The following SDK1 variants were observed in gnomAD, a reference collection of about 807,000 sequenced individuals.
SDK1 encodes sidekick cell adhesion molecule 1.
SDK1 carries 157 observed loss-of-function variants against 245.5 expected under a neutral mutation model. The observed-to-expected ratio is 0.64, with a 90% CI of 0.56 to 0.73. The LOEUF (loss-of-function observed/expected upper bound fraction) is 0.73, where lower values mean the gene tolerates loss of function less well. SDK1 is among the 30% of genes least tolerant of loss of function. The pLI, the probability that SDK1 is intolerant of heterozygous loss-of-function variation, is 0.00. For synonymous variants in SDK1, 1,647 were observed against 1,278.5 expected (o/e 1.29, Z -6.15); for missense variants, 3,583 against 3,002.3 (o/e 1.19, Z -4.52).
intron 22 of SDK1, among the ~76,000 whole-genome samples, chr7:4,082,486 G>A (rs1781119719): frequency 6.8e-6 from 1 of 147,134 alleles, no homozygotes; most frequent in Non-Finnish European, 1.5e-5. Context: ...AGTGAGCTGA[G>A]ATCATGCCAC....
intron 4 of SDK1, among the ~76,000 whole-genome samples, chr7:3,746,175 A>C (rs764933788): frequency 6.6e-6 from 1 of 152,246 alleles, no homozygotes; most frequent in East Asian, 1.9e-4. Context: ...AGTGCATATA[A>C]AAGTTATGTT....
At chr7:4,256,024 A>G (rs1350417648) in intron 44 of SDK1, among the ~76,000 whole-genome samples, 7 of 149,712 alleles carry the variant, frequency 4.7e-5, no homozygotes, top group African/African-American at 1.2e-4. Flanking sequence ...AGTTCAAACA[A>G]TTCTCCCACC....
chr7:3,609,289 T>A (rs1781517070), intron 1 of SDK1, among the ~76,000 whole-genome samples: 1 of 152,104 alleles, frequency 6.6e-6, no homozygotes, highest in South Asian at 2.1e-4. Flanking sequence ...TGAGAACTGC[T>A]GCTCTTGAAG....
chr7:4,007,458 T>A (rs1378064923), intron 14 of SDK1, among the ~76,000 whole-genome samples: 4 of 151,980 alleles, frequency 2.6e-5, no homozygotes. Context: ...AGGACAGAGC[T>A]GGATAGGGAG....
intron 5 of SDK1, among the ~76,000 whole-genome samples, chr7:3,891,326 G>A (rs1468674612): frequency 6.6e-6 from 1 of 152,130 alleles, no homozygotes; most frequent in Non-Finnish European, 1.5e-5. Context: ...CCCTCTGCCA[G>A]GTGCACTCTT....
intron 1 of SDK1, among the ~76,000 whole-genome samples, chr7:3,398,925 A>G (rs1265166331): frequency 6.6e-6 from 1 of 152,042 alleles, no homozygotes; most frequent in Admixed American, 6.6e-5. Context: ...ATTTGCCCTG[A>G]GACCTCAGTT....
At chr7:3,971,432 A>G (rs981594338) in intron 11 of SDK1, 34 bp from the exon 12 acceptor site, 4 of 1,480,140 alleles carry the variant, frequency 2.7e-6, no homozygotes, top group Non-Finnish European at 3.8e-6. Flanking sequence ...CAAACTTGTC[A>G]TTTCGTCTGA....
intron 4 of SDK1, among the ~76,000 whole-genome samples, chr7:3,806,893 A>G (rs1025179587): frequency 2.6e-5 from 4 of 151,978 alleles, no homozygotes; most frequent in Non-Finnish European, 4.4e-5. Flanking sequence ...TAAGAGTGAT[A>G]TTACCTAAAT....
At chr7:3,493,324 A>G (rs1047977551) in intron 1 of SDK1, among the ~76,000 whole-genome samples, 1 of 152,190 alleles carries the variant, frequency 6.6e-6, no homozygotes, top group Non-Finnish European at 1.5e-5. Flanking sequence ...CATTCAGGAC[A>G]TTTCTTCACA....
At chr7:4,237,501 A>T in intron 41 of SDK1, 146 bp from the exon 42 acceptor site, 1 of 871,472 alleles carries the variant, frequency 1.1e-6, no homozygotes, top group Non-Finnish European at 1.8e-6. Context: ...GGAAAAGTCC[A>T]CCCGCCCGGC....
rs113408302 is a variant in SDK1, at chr7:4,211,439, G to C, written c.5539+1277G>C. Among the ~76,000 whole-genome samples, 79 of 152,120 alleles carry C rather than the reference G, an allele frequency of 5.2e-4. 1 individual carries two copies. The highest frequency in any genetic ancestry group is 1.7e-3 in the African/African-American group (71 of 41,484). On this transcript the variant is annotated intron_variant, in intron 38 of 44. Transcript: ENST00000404826. ...CGAGAAGGGGAAGGGTGCGGGGGCA[G>C]GGGAGGAGGGCTCAGATCAGGGGTG...
Position 3,545,064 on chromosome 7 carries a change from G to T in SDK1, c.299-74016G>T, listed in dbSNP as rs571995987. On this transcript the variant is annotated intron_variant, in intron 1 of 44. Transcript: ENST00000404826. ...GAGAGTGTGCTCCTACCAGGACTGG[G>T]AGGAGAGCTGGTGCTATGTGGTGGG... 9.9e-5 allele frequency among the ~76,000 whole-genome samples: 15 copies of T among 152,270 alleles called. No homozygotes were observed. The East Asian group carries it at 2.7e-3, about 27-fold the overall frequency.
chr7:3,836,807 G>A (rs1260208487), intron 5 of SDK1, among the ~76,000 whole-genome samples: 1 of 152,022 alleles, frequency 6.6e-6, no homozygotes, highest in Non-Finnish European at 1.5e-5. Flanking sequence ...AGGAGACTGG[G>A]TGACTTAAAC....
intron 13 of SDK1, among the ~76,000 whole-genome samples, chr7:3,975,858 G>A (rs576829448): frequency 1.1e-4 from 16 of 152,330 alleles, no homozygotes; most frequent in African/African-American, 2.6e-4. Context: ...AGAATCAGCC[G>A]GCGGCAGTGG....
chr7:4,169,081 C>T (rs912614839), intron 32 of SDK1, among the ~76,000 whole-genome samples: 1 of 152,182 alleles, frequency 6.6e-6, no homozygotes, highest in Non-Finnish European at 1.5e-5. Context: ...TGTCAGGGGC[C>T]CAGGAGAGGA....
chr7:4,010,423 C>A (rs1288335079), intron 14 of SDK1, among the ~76,000 whole-genome samples: 4 of 152,222 alleles, frequency 2.6e-5, no homozygotes, highest in Non-Finnish European at 5.9e-5. Flanking sequence ...CTGTGAATTT[C>A]ATTACGCCTC....
At chr7:3,659,661 C>G (rs1184707546) in intron 4 of SDK1, among the ~76,000 whole-genome samples, 1 of 152,104 alleles carries the variant, frequency 6.6e-6, no homozygotes, top group Non-Finnish European at 1.5e-5. Flanking sequence ...GGATTTATAC[C>G]AGGAGAAGGC....
At chr7:3,758,772 G>A (rs958386109) in intron 4 of SDK1, among the ~76,000 whole-genome samples, 3 of 152,152 alleles carry the variant, frequency 2.0e-5, no homozygotes, top group Non-Finnish European at 2.9e-5. Context: ...AGCATGGAGT[G>A]TGCTTGTAGC....
chr7:3,609,661 A>C (rs978716121), intron 1 of SDK1, among the ~76,000 whole-genome samples: 1 of 151,862 alleles, frequency 6.6e-6, no homozygotes, highest in African/African-American at 2.4e-5. Flanking sequence ...CAGCCTCCCA[A>C]AGTGCTGGGA....
Sources: allele counts gnomAD v4.1 joint callset (sites outside exome capture counted in the v4.1 genomes callset), GRCh38; gene constraint gnomAD v4.1.1; transcripts MANE v1.5; gene names NCBI Gene and HGNC (gene_info 2026-07-23, HGNC 2026-07-21).